SOX5: variants seen among roughly 807,000 people sequenced by gnomAD.
SOX5 encodes the protein transcription factor SOX-5.
Under a neutral mutation model 92.0 loss-of-function variants are expected in SOX5, and 9 were observed. That is an observed-to-expected ratio of 0.10 (90% CI 0.06 to 0.17). The LOEUF (loss-of-function observed/expected upper bound fraction) is 0.17, where lower values mean the gene tolerates loss of function less well. Ranked by LOEUF, SOX5 falls within the 10% of genes least tolerant of loss-of-function variation. The pLI is 1.00. For synonymous variants in SOX5, 344 were observed against 336.3 expected, an observed-to-expected ratio of 1.02 and a Z score of -0.25; for missense variants, 642 against 944.5, an observed-to-expected ratio of 0.68 and a Z score of 4.20.
chr12:24,389,744 T>C (rs1368820115), intron 1 of SOX5, among the ~76,000 whole-genome samples: 1 of 152,236 alleles, frequency 6.6e-6, no homozygotes, highest in Non-Finnish European at 1.5e-5. Flanking sequence ...TACCTAGGAA[T>C]GGACTTGCTA....
At chr12:23,909,664 A>G (rs1370891350) in intron 1 of SOX5, among the ~76,000 whole-genome samples, 1 of 152,324 alleles carries the variant, frequency 6.6e-6, no homozygotes, top group East Asian at 1.9e-4. Context: ...GCCCAGCTGT[A>G]TAAACCAGTC....
intron 10 of SOX5, among the ~76,000 whole-genome samples, chr12:23,564,514 G>T (rs1946744379): frequency 6.6e-6 from 1 of 152,154 alleles, no homozygotes; most frequent in South Asian, 2.1e-4. Context: ...CTGTGAGACA[G>T]AAGGCAGGCA....
intron 4 of SOX5, among the ~76,000 whole-genome samples, chr12:23,981,942 C>T (rs1949610451): frequency 6.6e-6 from 1 of 152,002 alleles, no homozygotes; most frequent in African/African-American, 2.4e-5. Flanking sequence ...ATATTTATGG[C>T]AATACTCTAT....
intron 3 of SOX5, among the ~76,000 whole-genome samples, chr12:23,783,524 A>G (rs2095322631): frequency 6.6e-6 from 1 of 152,220 alleles, no homozygotes; most frequent in South Asian, 2.1e-4. Context: ...GTTGAAATAG[A>G]GAATCAAGTT....
At chr12:23,939,370 C>A (rs1383881611) in intron 1 of SOX5, among the ~76,000 whole-genome samples, 2 of 150,750 alleles carry the variant, frequency 1.3e-5, no homozygotes, top group African/African-American at 4.8e-5. Context: ...AGGTTATTTT[C>A]TTTCTTTCTT....
rs61584024 is a variant in SOX5, at chr12:24,253,270, C to CTTT, written c.-77+23943_-77+23945dup. On this transcript the variant is annotated intron_variant, in intron 3 of 4. Coordinates refer to the SOX5 transcript ENST00000446891. ...AATCATCAGAGAAGCACGTGCACAT[C>CTTT]TTTTTTTTTTTTTTTTTACTTCTTT... Among the ~76,000 whole-genome samples the CTTT allele has an allele frequency of 2.2e-3, 302 of 137,456 alleles. 1 individual carries two copies. Among genetic ancestry groups the CTTT allele is most frequent in the African/African-American group, 2.9e-3 (109 of 37,878 alleles). The allele number at this position is 137,456 out of a possible 152,430, so 90.2% of individuals were successfully genotyped here. A position where few individuals can be genotyped will look rare whatever the true frequency, so the allele number is the denominator to read the frequency against.
intron 2 of SOX5, among the ~76,000 whole-genome samples, chr12:24,307,700 T>C (rs11047361): frequency 0.66 from 41,576 of 63,376 alleles, 18,397 homozygotes; most frequent in East Asian, 0.9. Context: ...AACACATACA[T>C]AGCATAATAT....
chr12:24,063,202 TA>T (rs1228989272), intron 4 of SOX5, among the ~76,000 whole-genome samples: 1 of 152,204 alleles, frequency 6.6e-6, no homozygotes, highest in Admixed American at 6.5e-5. Flanking sequence ...AATAGACCCT[TA>T]TTCACATCTC....
At chr12:24,010,105 T>A (rs1214504733) in intron 4 of SOX5, among the ~76,000 whole-genome samples, 1 of 152,172 alleles carries the variant, frequency 6.6e-6, no homozygotes, top group African/African-American at 2.4e-5. Flanking sequence ...TTCTTAGCAA[T>A]AAAACAATTT....
rs551643607 is a variant in SOX5, at chr12:24,203,460, C to A, written c.-2+9883G>T. On this transcript the variant is annotated intron_variant, in intron 4 of 4. Transcript: ENST00000446891. ...CACTGGGGTGTTAATGCTTCTAGGC[C>A]CTCTCAGCAGATAGAGCTGGGAATA... is the stretch of plus-strand genomic sequence containing the variant. Among the ~76,000 whole-genome samples the A allele has an allele frequency of 1.4e-3, 209 of 152,236 alleles. 1 individual carries two copies. Among genetic ancestry groups the A allele is most frequent in the African/African-American group, 4.6e-3 (189 of 41,518 alleles).
chr12:23,893,685 C>T (rs1271183697), intron 2 of SOX5, among the ~76,000 whole-genome samples: 1 of 152,108 alleles, frequency 6.6e-6, no homozygotes, highest in Non-Finnish European at 1.5e-5. Flanking sequence ...TAATTAGATA[C>T]TTTCTGAAAG....
chr12:23,705,756 A>T (rs1417599556), intron 6 of SOX5, among the ~76,000 whole-genome samples: 1 of 152,088 alleles, frequency 6.6e-6, no homozygotes, highest in Non-Finnish European at 1.5e-5. Flanking sequence ...AAAAGAAACC[A>T]ATAAAAGGGG....
intron 4 of SOX5, among the ~76,000 whole-genome samples, chr12:23,980,007 C>A (rs1257940547): frequency 6.6e-6 from 1 of 150,872 alleles, no homozygotes; most frequent in Non-Finnish European, 1.5e-5. Context: ...GACAGAATCT[C>A]GCTATATTGC....
At chr12:24,560,367 T>C (rs947445764) in intron 1 of SOX5, among the ~76,000 whole-genome samples, 23 of 152,350 alleles carry the variant, frequency 1.5e-4, no homozygotes, top group Middle Eastern at 3.4e-3. Flanking sequence ...CTGTATTGCA[T>C]CAGTTTTAAG....
chr12:24,166,021 A>G (rs1953365840), intron 4 of SOX5, among the ~76,000 whole-genome samples: 1 of 152,150 alleles, frequency 6.6e-6, no homozygotes. Context: ...ATAACCCAGG[A>G]AAACATCATT....
intron 1 of SOX5, among the ~76,000 whole-genome samples, chr12:24,514,165 C>T (rs992698721): frequency 4.6e-5 from 7 of 152,296 alleles, no homozygotes; most frequent in African/African-American, 1.7e-4. Context: ...AAATCACTGG[C>T]TTGTTACATC....
chr12:24,381,369 T>C (rs1217132762), intron 1 of SOX5, among the ~76,000 whole-genome samples: 4 of 152,366 alleles, frequency 2.6e-5, no homozygotes, highest in East Asian at 3.9e-4. Context: ...GTGAGAGTAC[T>C]AGGCAGGCCC....
chr12:24,052,582 AATTT>A (rs1345112367), intron 4 of SOX5, among the ~76,000 whole-genome samples: 1 of 152,186 alleles, frequency 6.6e-6, no homozygotes, highest in Non-Finnish European at 1.5e-5. Flanking sequence ...CAACCTAATT[AATTT>A]GAAAGCAGTT....
intron 4 of SOX5, among the ~76,000 whole-genome samples, chr12:24,176,003 G>A (rs1954767009): frequency 6.7e-6 from 1 of 149,244 alleles, no homozygotes; most frequent in Admixed American, 6.7e-5. Flanking sequence ...AAAAAAAAAT[G>A]AAACTCTTGA....
Sources: allele counts gnomAD v4.1 joint callset (sites outside exome capture counted in the v4.1 genomes callset), GRCh38; gene constraint gnomAD v4.1.1; transcripts MANE v1.5; gene names NCBI Gene and HGNC (gene_info 2026-07-23, HGNC 2026-07-21).